The following PLEKHG5 variants were observed in gnomAD, a reference collection of about 807,000 sequenced individuals.
PLEKHG5 encodes pleckstrin homology domain-containing family G member 5.
PLEKHG5 carries 52 observed loss-of-function variants against 103.8 expected under a neutral mutation model. That is an observed-to-expected ratio of 0.50 (90% CI 0.40 to 0.63). PLEKHG5 has a LOEUF of 0.63. Ranked by LOEUF, PLEKHG5 falls within the 30% of genes least tolerant of loss-of-function variation. PLEKHG5 has a pLI of 0.00. For synonymous variants in PLEKHG5, 592 were observed against 575.5 expected (o/e 1.03, Z -0.41); for missense variants, 1,205 against 1,347.6 (o/e 0.89, Z 1.66).
chr1:6,484,862 AG>A (rs145876031), intron 1 of PLEKHG5, among the ~76,000 whole-genome samples: 5,152 of 152,074 alleles, frequency 0.034, 297 homozygotes, highest in African/African-American at 0.12. Context: ...AAAATAACAG[AG>A]GGGGGCCCTT....
upstream of PLEKHG5, chr1:6,496,872 C>T (rs775566573): frequency 3.0e-5 from 35 of 1,162,712 alleles, no homozygotes; most frequent in Non-Finnish European, 4.1e-5. Flanking sequence ...GCTCAGTGAC[C>T]TTTTGGGGCC....
chr1:6,484,885 C>T (rs1298440230), intron 1 of PLEKHG5, among the ~76,000 whole-genome samples: 2 of 152,304 alleles, frequency 1.3e-5, no homozygotes, highest in East Asian at 1.9e-4. Flanking sequence ...GGGGAATACA[C>T]GCATGTGAGG....
chr1:6,507,180 G>A lies in PLEKHG5; in HGVS notation c.-164-10611C>T, dbSNP rs538197063. ...CCTCCTGTGGAGAGACCTCTGCCAC[G>A]GTATCCACGTGACCTGTGCCCCAGC... On this transcript the variant is annotated intron_variant, in intron 1 of 21. Transcript: ENST00000377740. Among the ~76,000 whole-genome samples the A allele has an allele frequency of 2.3e-4, 35 of 152,302 alleles. No individual in the cohort carries two copies. In the East Asian group the frequency reaches 6.0e-3, roughly 26 times the overall value.
At chr1:6,495,284 G>A (rs1217754239), upstream of PLEKHG5, among the ~76,000 whole-genome samples, 1 of 152,116 alleles carries the variant, frequency 6.6e-6, no homozygotes, top group Non-Finnish European at 1.5e-5. Flanking sequence ...ACATCACACC[G>A]CCCCCCTGCC....
chr1:6,482,001 C>G (rs911748211), intron 1 of PLEKHG5, among the ~76,000 whole-genome samples: 3 of 152,056 alleles, frequency 2.0e-5, no homozygotes, highest in African/African-American at 7.2e-5. Context: ...ACTCCCCTCA[C>G]CCACTGGCCT....
chr1:6,474,095 G>T lies in PLEKHG5; in HGVS notation c.509C>A (p.Pro170Gln), dbSNP rs59117380. The T allele has an allele frequency of 1.2e-6, 2 of 1,613,210 alleles. No individual in the cohort carries two copies. The highest frequency in any genetic ancestry group is 1.7e-5 in the Admixed American group (1 of 59,990). ...GMKDSKSLSLPILRPAGTGPP... is the reference protein window; with the variant it reads ...GMKDSKSLSLQILRPAGTGPP... ...CCCGGTCCCAGCTGGCCGCAGAATCGGCAAACTCAGGGACTTGGAGTCCTT... is the reference window on the plus strand; with the variant it reads ...CCCGGTCCCAGCTGGCCGCAGAATCTGCAAACTCAGGGACTTGGAGTCCTT... The change falls in exon 7 of 21, where the codon CCG becomes CAG. Residue 170 changes from proline to glutamine, a missense_variant. Physicochemically the swap from Pro to Gln is moderately conservative, Grantham distance 76 (BLOSUM62 -1). Transcript: ENST00000377728.
chr1:6,475,992 G>C lies in PLEKHG5; in HGVS notation c.88C>G (p.Arg30Gly), dbSNP rs111400494. 3 of 1,613,848 alleles carry C rather than the reference G, an allele frequency of 1.9e-6. No individual in the cohort carries two copies. Among genetic ancestry groups the C allele is most frequent in the Non-Finnish European group, 2.5e-6 (3 of 1,180,028 alleles). The change falls in exon 3 of 21, where the codon CGC (arginine) becomes GGC (glycine). Residue 30 changes from arginine (R) to glycine (G), a missense_variant. Coordinates refer to ENST00000377728, the MANE Select transcript of PLEKHG5 (RefSeq NM_020631.6). ...RNVSTRSCPP[R>G]TSPAVDLEEE... ...TCCAAGTCCACTGCGGGGCTGGTGCGCGGCGGGCATGACCGGGTGGACACG... is the reference window on the plus strand; with the variant it reads ...TCCAAGTCCACTGCGGGGCTGGTGCCCGGCGGGCATGACCGGGTGGACACG...
chr1:6,467,818 C>T lies in PLEKHG5; in HGVS notation c.3011+7G>A, dbSNP rs990896717. ...CCACCTGCCCTACCCCAGTCCAGGC[C>T]ACTCACGAGGCAGTGAGCGTGGAGT... On this transcript the variant is annotated splice_region_variant and intron_variant, in intron 20 of 20. Transcript: ENST00000377728. The T allele has an allele frequency of 1.2e-6, 2 of 1,613,046 alleles. No homozygotes were observed. Among genetic ancestry groups the T allele is most frequent in the Admixed American group, 1.7e-5 (1 of 59,994 alleles).
chr1:6,471,698 T>C (rs1448659334), intron 11 of PLEKHG5, 60 bp downstream of exon 11: 1 of 1,579,844 alleles, frequency 6.3e-7, no homozygotes, highest in African/African-American at 1.4e-5. Flanking sequence ...CCGCCCCAGG[T>C]CCAGGTCCCG....
At chr1:6,504,908 G>A (rs923586481) in intron 1 of PLEKHG5, among the ~76,000 whole-genome samples, 2 of 152,208 alleles carry the variant, frequency 1.3e-5, no homozygotes, top group South Asian at 2.1e-4. Flanking sequence ...TATGGTCTGC[G>A]GGCTCCCTCT....
Position 6,469,458 on chromosome 1 carries a change from G to A in PLEKHG5, c.1934-8C>T. On this transcript the variant is annotated splice_region_variant and splice_polypyrimidine_tract_variant and intron_variant, in intron 17 of 20. Transcript: ENST00000377728. ...AGATAAGGAGGAAGGACCCTGGTTAGGGAAGGCCCAAGTCAGTGTCAGCAG... is the reference window on the plus strand; with the variant it reads ...AGATAAGGAGGAAGGACCCTGGTTAAGGAAGGCCCAAGTCAGTGTCAGCAG... The A allele has an allele frequency of 6.2e-7, 1 of 1,613,810 alleles. No individual in the cohort carries two copies.
chr1:6,472,464 G>A lies in PLEKHG5; in HGVS notation c.1080+63C>T, dbSNP rs1483280281. On this transcript the variant is annotated intron_variant, in intron 10 of 20. Transcript: ENST00000377728. The stretch of plus-strand genomic sequence containing the variant: ...CTCCTTCTGCAAAGGCTCAGACTCA[G>A]CTGAGGGCTGTCAGAAAGAGGGGGG... The A allele has an allele frequency of 3.4e-6, 4 of 1,165,256 alleles. No individual in the cohort carries two copies. In the Admixed American group the frequency reaches 7.1e-5, roughly 21 times the overall value. The allele number at this position is 1,165,256 out of a possible 1,614,324, so 72.2% of individuals were successfully genotyped here.
intron 1 of PLEKHG5, among the ~76,000 whole-genome samples, chr1:6,517,745 G>C (rs1221725438): frequency 6.6e-6 from 1 of 151,838 alleles, no homozygotes; most frequent in African/African-American, 2.4e-5. Context: ...GGTTGGAACA[G>C]GCTCAGATCT....
chr1:6,475,208 C>T, intron 4 of PLEKHG5, 70 bp from the exon 5 acceptor site: 1 of 804,868 alleles, frequency 1.2e-6, no homozygotes, highest in South Asian at 1.4e-5. Context: ...TCCTCCCCAC[C>T]CTCCTTCCCA....
At chr1:6,512,516 A>T (rs568604106) in intron 1 of PLEKHG5, among the ~76,000 whole-genome samples, 3 of 152,312 alleles carry the variant, frequency 2.0e-5, no homozygotes, top group Non-Finnish European at 4.4e-5. Context: ...GCTCACCAGC[A>T]GGGTGGGAGG....
At chr1:6,509,615 C>T (rs530275936) in intron 1 of PLEKHG5, among the ~76,000 whole-genome samples, 31 of 152,318 alleles carry the variant, frequency 2.0e-4, no homozygotes, top group African/African-American at 7.0e-4. Flanking sequence ...GCTCCACGGG[C>T]CCCTGAACAT....
rs1392198294 is a variant in PLEKHG5, at chr1:6,510,648, G to A, written c.-165+8797C>T. ...AGGCACAGGCTGAGAACCCTACAGG[G>A]CCAATACCTGATAGTGACCCTGGGG... On this transcript the variant is annotated intron_variant, in intron 1 of 21. Transcript: ENST00000377740. Among the ~76,000 whole-genome samples, 4 of 152,222 alleles carry A rather than the reference G, an allele frequency of 2.6e-5. No individual in the cohort carries two copies. In the East Asian group the frequency reaches 7.7e-4, roughly 29 times the overall value.
rs766490061 is a variant in PLEKHG5 at position 6,473,313 on chromosome 1, G to A, written c.733C>T (p.Arg245Trp). Residue 245 changes from arginine to tryptophan, a missense_variant, in exon 8 of 21, where the codon CGG becomes TGG. Coordinates refer to ENST00000377728, the MANE Select transcript of PLEKHG5 (RefSeq NM_020631.6). ...AAGCCGCTGAAGCGACTGGCCGCCC[G>A]GTTCTTCCAGCTGTCGCCAGTGTTG... Reference protein sequence around the residue: ...STNTGDSWKNRAASRFSGFFS... With the variant: ...STNTGDSWKNWAASRFSGFFS... 22 of 1,572,878 alleles carry A rather than the reference G, an allele frequency of 1.4e-5. No individual in the cohort carries two copies. The East Asian group carries it at 1.9e-4, about 14-fold the overall frequency.
chr1:6,512,471 G>A (rs1458085088), intron 1 of PLEKHG5, among the ~76,000 whole-genome samples: 1 of 152,206 alleles, frequency 6.6e-6, no homozygotes, highest in Non-Finnish European at 1.5e-5. Flanking sequence ...GTGGGGGGCA[G>A]GGAAGCCAGA....
Sources: gnomAD v4.1 joint callset for allele counts (sites outside exome capture counted in the v4.1 genomes callset) on GRCh38, gnomAD v4.1.1 for gene constraint, MANE v1.5 for transcripts, NCBI Gene and HGNC (gene_info 2026-07-23, HGNC 2026-07-21) for gene names.